CEP164: variants seen among roughly 807,000 people sequenced by gnomAD.
CEP164 encodes the protein centrosomal protein of 164 kDa.
A neutral mutation model predicts 182.7 loss-of-function variants in CEP164; 162 were observed. The ratio of observed to expected loss-of-function variants is 0.89; its 90% CI spans 0.78 to 1.01. The LOEUF is 1.01. Among genes scored for constraint, CEP164 ranks in the 50% least tolerant of loss-of-function variants. The pLI, the probability that CEP164 is intolerant of heterozygous loss-of-function variation, is 0.00. For synonymous variants in CEP164, 661 were observed against 690.0 expected, an observed-to-expected ratio of 0.96 and a Z score of 0.66; for missense variants, 1,735 against 1,790.4, an observed-to-expected ratio of 0.97 and a Z score of 0.56.
intron 27 of CEP164, among the ~76,000 whole-genome samples, chr11:117,398,163 C>T (rs1031139064): frequency 2.1e-4 from 32 of 152,178 alleles, no homozygotes; most frequent in Non-Finnish European, 7.3e-5. Context: ...GTCTGAAATC[C>T]AGTGGGGCAG....
In CEP164 at chr11:117,396,007, C is replaced by A. The variant is rs374929426; in HGVS notation, c.3090-47C>A. 1.8e-5 allele frequency: 29 copies of A among 1,611,796 alleles called. No homozygotes were observed. The African/African-American group carries it at 3.2e-4, about 18-fold the overall frequency. The stretch of plus-strand genomic sequence containing the variant: ...TTCTGACCCACTTCACCCCTCCCCC[C>A]CATCGCCAGCCGCTGCCCTGCCTCT... On this transcript the variant is annotated intron_variant, in intron 24 of 32. Transcript: ENST00000278935.
In CEP164 at chr11:117,371,424, G is replaced by A. The variant is rs1345943060; in HGVS notation, c.1110G>A (p.Lys370=). 1 of 1,613,822 alleles carries A rather than the reference G, an allele frequency of 6.2e-7. No individual in the cohort carries two copies. The highest frequency in any genetic ancestry group is 8.5e-7 in the Non-Finnish European group (1 of 1,179,940). The change falls in exon 9 of 33, where the codon AAG becomes AAA. Residue 370 remains lysine (K), a synonymous_variant. Transcript: ENST00000278935. ...AAGAGGCAGCCAAGGAGCCAAAGAAGAAGGCTTCTGCTCTGGAAGAGGGCA... is the reference window on the plus strand; with the variant it reads ...AAGAGGCAGCCAAGGAGCCAAAGAAAAAGGCTTCTGCTCTGGAAGAGGGCA... ...RREEAAKEPK[K]KASALEEGSS... is the part of the protein sequence containing the mutation.
chr11:117,390,642 GAAA>G (rs60684637), intron 15 of CEP164, 132 bp from the exon 16 acceptor site: 554 of 970,398 alleles, frequency 5.7e-4, no homozygotes, highest in East Asian at 8.2e-4. Context: ...TCTCCAAAAA[GAAA>G]AAAAAAAAAA....
chr11:117,359,652 T>G, intron 5 of CEP164: 1 of 934,460 alleles, frequency 1.1e-6, no homozygotes, highest in Non-Finnish European at 1.3e-6. Flanking sequence ...GGATTGGAAT[T>G]TTTGTGTCAT....
chr11:117,340,634 A>G (rs1264375359), intron 3 of CEP164, among the ~76,000 whole-genome samples: 1 of 152,174 alleles, frequency 6.6e-6, no homozygotes. Flanking sequence ...TCGTGGGCTC[A>G]GGTGATCCTC....
At chr11:117,349,481 A>C (rs917591781) in intron 4 of CEP164, among the ~76,000 whole-genome samples, 1 of 152,022 alleles carries the variant, frequency 6.6e-6, no homozygotes, top group Non-Finnish European at 1.5e-5. Context: ...TCTATTTTAA[A>C]TTAAATTAAA....
At chr11:117,397,371 C>G in intron 27 of CEP164, 58 bp downstream of exon 27, 8 of 1,503,162 alleles carry the variant, frequency 5.3e-6, no homozygotes, top group Non-Finnish European at 7.2e-6. Flanking sequence ...GGGGAGTCAG[C>G]AAAACAGTCC....
At chr11:117,323,408 G>A (rs2035324111), upstream of CEP164, among the ~76,000 whole-genome samples, 1 of 151,388 alleles carries the variant, frequency 6.6e-6, no homozygotes, top group Admixed American at 6.6e-5. Context: ...CATTCATGTT[G>A]TTGCAAATGG....
chr11:117,358,825 A>T (rs1445024600), intron 5 of CEP164, among the ~76,000 whole-genome samples: 1 of 152,074 alleles, frequency 6.6e-6, no homozygotes, highest in South Asian at 2.1e-4. Flanking sequence ...GTCAGGGACC[A>T]TGTATGTCCT....
At chr11:117,345,295 C>T (rs1364465256) in intron 4 of CEP164, among the ~76,000 whole-genome samples, 1 of 152,172 alleles carries the variant, frequency 6.6e-6, no homozygotes, top group African/African-American at 2.4e-5. Context: ...TGTCTTCCTC[C>T]TCCTCCTGAG....
chr11:117,392,607 GTGGC>G lies in CEP164; in HGVS notation c.2477_2480del (p.Ala826GlyfsTer28), dbSNP rs2044809780. On this transcript the variant is annotated frameshift_variant, in exon 19 of 33. Transcript: ENST00000278935. LOFTEE classifies it high-confidence loss of function. ...CAGAGTTCACCAGAAGTCTTATCAC[GTGGC>G]TGGGTATGAGCACGAGGTGAGTGCT... 6.2e-7 allele frequency: 1 copy of G among 1,613,986 alleles called. No homozygotes were observed. Among genetic ancestry groups the G allele is most frequent in the East Asian group, 2.2e-5 (1 of 44,896 alleles).
chr11:117,408,756 G>T, intron 28 of CEP164, 134 bp from the exon 29 acceptor site: 1 of 1,159,234 alleles, frequency 8.6e-7, no homozygotes. Context: ...ATGGATTTGC[G>T]TAAGAAAACC....
chr11:117,370,042 G>C (rs1404248980), intron 8 of CEP164, among the ~76,000 whole-genome samples: 1 of 152,224 alleles, frequency 6.6e-6, no homozygotes, highest in Non-Finnish European at 1.5e-5. Flanking sequence ...GCAGATATGG[G>C]ACTCCTCTAA....
At chr11:117,390,682 C>CA in intron 15 of CEP164, 95 bp from the exon 16 acceptor site, 1 of 1,455,860 alleles carries the variant, frequency 6.9e-7, no homozygotes, top group Non-Finnish European at 9.3e-7. Context: ...CTTAGGCAGG[C>CA]AACAGGGCTA....
chr11:117,372,458 C>T (rs1295842781), intron 9 of CEP164, among the ~76,000 whole-genome samples: 1 of 151,232 alleles, frequency 6.6e-6, no homozygotes, highest in African/African-American at 2.4e-5. Flanking sequence ...ACTCTTGTTG[C>T]CCAGGCTGGA....
intron 11 of CEP164, among the ~76,000 whole-genome samples, chr11:117,377,778 C>T (rs1202792624): frequency 5.3e-5 from 8 of 152,034 alleles, no homozygotes; most frequent in Admixed American, 2.0e-4. Flanking sequence ...TAAGTTTTAC[C>T]GTATTATATA....
chr11:117,385,414 G>A (rs563443698), intron 14 of CEP164: 1 of 152,378 alleles, frequency 6.6e-6, no homozygotes, highest in Admixed American at 6.5e-5. Flanking sequence ...TTAAAACAGT[G>A]CGAGGGAGAA....
intron 5 of CEP164, among the ~76,000 whole-genome samples, chr11:117,359,235 C>G (rs183808491): frequency 3.5e-3 from 527 of 152,292 alleles, no homozygotes; most frequent in African/African-American, 0.012. Flanking sequence ...TGAGCCACCA[C>G]GCCCAGCCTG....
chr11:117,410,278 G>A (rs977863056), intron 30 of CEP164: 12 of 511,298 alleles, frequency 2.3e-5, no homozygotes, highest in Non-Finnish European at 3.6e-5. Flanking sequence ...GGTCATTGTC[G>A]TCATTATCTT....
Sources: allele counts gnomAD v4.1 joint callset (sites outside exome capture counted in the v4.1 genomes callset), GRCh38; gene constraint gnomAD v4.1.1; transcripts MANE v1.5; gene names NCBI Gene and HGNC (gene_info 2026-07-23, HGNC 2026-07-21).